The following PLEKHH2 variants were observed in gnomAD, a reference collection of about 807,000 sequenced individuals.
The protein encoded by PLEKHH2 is pleckstrin homology domain-containing family H member 2.
A neutral mutation model predicts 187.9 loss-of-function variants in PLEKHH2; 129 were observed. The ratio of observed to expected loss-of-function variants is 0.69; its 90% CI spans 0.59 to 0.79. The LOEUF (loss-of-function observed/expected upper bound fraction) is 0.79. Among genes scored for constraint, PLEKHH2 ranks in the 30% least tolerant of loss-of-function variants. PLEKHH2 has a pLI of 0.00. For synonymous variants in PLEKHH2, 686 were observed against 605.6 expected, an observed-to-expected ratio of 1.13 and a Z score of -1.95; for missense variants, 2,076 against 1,751.2, an observed-to-expected ratio of 1.19 and a Z score of -3.31.
chr2:43,746,608 C>G (rs1671787642), intron 24 of PLEKHH2, among the ~76,000 whole-genome samples: 1 of 152,110 alleles, frequency 6.6e-6, no homozygotes, highest in Non-Finnish European at 1.5e-5. Flanking sequence ...GTAGTTGATA[C>G]AAGGATGCAT....
At chr2:43,707,083 C>A (rs1669695796) in intron 10 of PLEKHH2, among the ~76,000 whole-genome samples, 1 of 150,972 alleles carries the variant, frequency 6.6e-6, no homozygotes. Context: ...GTAATCCCAG[C>A]TACTCAGGAG....
At chr2:43,678,583 G>A (rs13001672) in intron 2 of PLEKHH2, among the ~76,000 whole-genome samples, 69,954 of 150,250 alleles carry the variant, frequency 0.47, 16,576 homozygotes, top group Non-Finnish European at 0.52. Flanking sequence ...GGCGGCGCGC[G>A]CCTGCAATCG....
At chr2:43,649,002 G>A (rs937465524) in intron 2 of PLEKHH2, among the ~76,000 whole-genome samples, 2 of 152,146 alleles carry the variant, frequency 1.3e-5, no homozygotes, top group Non-Finnish European at 2.9e-5. Flanking sequence ...CTATATTTTT[G>A]GAGATGAAGT....
intron 20 of PLEKHH2, among the ~76,000 whole-genome samples, chr2:43,738,996 A>G (rs780714583): frequency 2.6e-5 from 4 of 152,136 alleles, no homozygotes; most frequent in Non-Finnish European, 5.9e-5. Flanking sequence ...GGTTCAAGCA[A>G]TTCTCCTGCC....
chr2:43,689,441 C>G (rs1668688343), intron 3 of PLEKHH2, among the ~76,000 whole-genome samples: 1 of 152,194 alleles, frequency 6.6e-6, no homozygotes, highest in African/African-American at 2.4e-5. Context: ...TGGCCAGTCT[C>G]TGAGTAGTTA....
chr2:43,740,117 G>A (rs1367275326), intron 20 of PLEKHH2, among the ~76,000 whole-genome samples: 1 of 152,042 alleles, frequency 6.6e-6, no homozygotes, highest in Non-Finnish European at 1.5e-5. Context: ...GGGCAAATAA[G>A]ATCTCTATCC....
At chr2:43,690,606 A>G (rs1053008659) in intron 3 of PLEKHH2, among the ~76,000 whole-genome samples, 4 of 152,146 alleles carry the variant, frequency 2.6e-5, no homozygotes, top group Non-Finnish European at 5.9e-5. Context: ...TCAGATTTTC[A>G]TCTTAACTAT....
intron 1 of PLEKHH2, among the ~76,000 whole-genome samples, 163 bp downstream of exon 1, chr2:43,637,542 G>C (rs528055197): frequency 6.6e-5 from 10 of 152,332 alleles, no homozygotes; most frequent in Non-Finnish European, 2.9e-5. Context: ...GCTGACTCGG[G>C]ATCCGCCGCT....
At chr2:43,671,539 C>T (rs917942144) in intron 2 of PLEKHH2, among the ~76,000 whole-genome samples, 1 of 152,130 alleles carries the variant, frequency 6.6e-6, no homozygotes, top group Non-Finnish European at 1.5e-5. Flanking sequence ...AAACGACATT[C>T]TTGTGGAGGA....
At chr2:43,702,584 C>T (rs1386113782) in intron 8 of PLEKHH2, among the ~76,000 whole-genome samples, 4 of 106,112 alleles carry the variant, frequency 3.8e-5, no homozygotes, top group African/African-American at 7.6e-5. Context: ...TGAAGCTATT[C>T]GGTCCTGAAA....
intron 2 of PLEKHH2, among the ~76,000 whole-genome samples, chr2:43,655,650 G>A (rs1185594857): frequency 6.6e-6 from 1 of 152,110 alleles, no homozygotes; most frequent in East Asian, 1.9e-4. Flanking sequence ...AAGAACTAGT[G>A]GTTTTTCCAA....
At chr2:43,667,845 G>A (rs533427980) in intron 2 of PLEKHH2, among the ~76,000 whole-genome samples, 1 of 152,198 alleles carries the variant, frequency 6.6e-6, no homozygotes, top group East Asian at 1.9e-4. Flanking sequence ...TGATGAAACT[G>A]TTCTGGAATT....
intron 2 of PLEKHH2, among the ~76,000 whole-genome samples, chr2:43,677,905 G>A (rs1197684551): frequency 6.9e-5 from 3 of 43,260 alleles, no homozygotes; most frequent in Non-Finnish European, 1.3e-4. Context: ...CCTCCAGGAC[G>A]GGGCGGCTGG....
chr2:43,706,348 A>G lies in PLEKHH2; in HGVS notation c.1753A>G (p.Thr585Ala), dbSNP rs774905620. The change falls in exon 10 of 30, where the codon ACA becomes GCA. Residue 585 changes from threonine to alanine, a missense_variant. By Grantham distance (58) the Thr-to-Ala change is moderately conservative. Coordinates refer to ENST00000282406, the MANE Select transcript of PLEKHH2 (RefSeq NM_172069.4). Reference sequence around the variant, plus strand: ...TTCTGCTGCAACCCTTTCCTATACTACATCAGGACTTTATACATCTCTGAT... The same window carrying G: ...TTCTGCTGCAACCCTTTCCTATACTGCATCAGGACTTTATACATCTCTGAT... ...KNSAATLSYT[T>A]SGLYTSLIYK... 48 of 1,609,504 alleles carry G rather than the reference A, an allele frequency of 3.0e-5. No individual in the cohort carries two copies. The highest frequency in any genetic ancestry group is 2.1e-4 in the South Asian group (19 of 90,844).
chr2:43,727,161 C>A (rs1182637651), intron 17 of PLEKHH2, among the ~76,000 whole-genome samples: 1 of 152,106 alleles, frequency 6.6e-6, no homozygotes, highest in Non-Finnish European at 1.5e-5. Context: ...CGTCTGTAAT[C>A]CCAGCACTTC....
At chr2:43,674,070 A>T (rs1667611802) in intron 2 of PLEKHH2, among the ~76,000 whole-genome samples, 1 of 152,220 alleles carries the variant, frequency 6.6e-6, no homozygotes, top group Non-Finnish European at 1.5e-5. Context: ...GAGCTTTGTC[A>T]TTTCATCAAT....
At chr2:43,694,172 T>G (rs1340486375) in intron 4 of PLEKHH2, among the ~76,000 whole-genome samples, 1 of 152,244 alleles carries the variant, frequency 6.6e-6, no homozygotes, top group Non-Finnish European at 1.5e-5. Flanking sequence ...ATAAATTCAG[T>G]GGATTGACTT....
Position 43,767,875 on chromosome 2 carries a change from A to G in PLEKHH2, c.*2277A>G, listed in dbSNP as rs1672675765. The stretch of plus-strand genomic sequence containing the variant: ...AAATTATATAGCCATTCAAAAATTC[A>G]AAGTATGTTATTATGATTGGTTACA... On this transcript the variant is annotated 3_prime_UTR_variant, in exon 30 of 30. Coordinates refer to ENST00000282406, the MANE Select transcript of PLEKHH2 (RefSeq NM_172069.4). 2 of 152,786 alleles carry G rather than the reference A, an allele frequency of 1.3e-5. No individual in the cohort carries two copies. Among genetic ancestry groups the G allele is most frequent in the Non-Finnish European group, 2.9e-5 (2 of 68,034 alleles). The allele number at this position is 152,786 out of a possible 1,614,324, so 9.5% of individuals were successfully genotyped here. A position where few individuals can be genotyped will look rare whatever the true frequency, so the allele number is the denominator to read the frequency against.
At position 43,666,244 on chromosome 2, in the gene PLEKHH2, C is replaced by T. The variant is rs1190672165; in HGVS notation, c.124-12619C>T. On this transcript the variant is annotated intron_variant, in intron 2 of 29. Coordinates refer to ENST00000282406, the MANE Select transcript of PLEKHH2 (RefSeq NM_172069.4). ...TGGGAGTGACCCGATTTTCCAGGTG[C>T]ATCCGTCACCCCTTTCTTTGACTCG... is the stretch of plus-strand genomic sequence containing the variant. Among the ~76,000 whole-genome samples, 36 of 151,074 alleles carry T rather than the reference C, an allele frequency of 2.4e-4. No homozygotes were observed. The East Asian group carries it at 6.0e-3, about 25-fold the overall frequency.
Sources: gnomAD v4.1 joint callset for allele counts (sites outside exome capture counted in the v4.1 genomes callset) on GRCh38, gnomAD v4.1.1 for gene constraint, MANE v1.5 for transcripts, NCBI Gene and HGNC (gene_info 2026-07-23, HGNC 2026-07-21) for gene names.